The following CDH4 variants were observed in gnomAD, a reference collection of about 807,000 sequenced individuals.
CDH4 encodes the protein cadherin 4.
In CDH4, 33 loss-of-function variants were observed where a neutral mutation model predicts 86.0. The observed-to-expected ratio is 0.38, with a 90% CI of 0.29 to 0.51. The LOEUF is 0.51. Among genes scored for constraint, CDH4 ranks in the 20% least tolerant of loss-of-function variants. The probability of loss-of-function intolerance (pLI) is 0.86; values close to 1 mark genes in which losing one functional copy is unlikely to be tolerated. For synonymous variants in CDH4, 555 were observed against 549.4 expected, an observed-to-expected ratio of 1.01 and a Z score of -0.14; for missense variants, 1,114 against 1,307.4, an observed-to-expected ratio of 0.85 and a Z score of 2.28.
chr20:61,757,984 A>G (rs1040417486), intron 3 of CDH4, among the ~76,000 whole-genome samples: 1 of 152,136 alleles, frequency 6.6e-6, no homozygotes. Context: ...GCTGTGTAGC[A>G]GCTCTCTCTA....
intron 4 of CDH4, among the ~76,000 whole-genome samples, chr20:61,805,199 T>TGACCCAGCCCCC (rs1390879373): frequency 1.3e-5 from 2 of 152,314 alleles, no homozygotes; most frequent in Non-Finnish European, 2.9e-5. Context: ...GGCCAGTCCT[T>TGACCCAGCCCCC]GACCCAGCCC....
At chr20:61,720,408 G>C (rs1276098216) in intron 2 of CDH4, among the ~76,000 whole-genome samples, 1 of 149,992 alleles carries the variant, frequency 6.7e-6, no homozygotes, top group East Asian at 2.0e-4. Context: ...GGGGTGCGAA[G>C]TGTAAGTGTG....
intron 4 of CDH4, among the ~76,000 whole-genome samples, chr20:61,777,508 C>T (rs538333677): frequency 2.9e-4 from 44 of 152,344 alleles, no homozygotes; most frequent in Middle Eastern, 6.8e-3. Flanking sequence ...CTTTAGTGAA[C>T]GGAAAATGGA....
rs2145578268 is a variant in CDH4 at position 61,480,555 on chromosome 20, T to C, written c.169+225618T>C. Among the ~76,000 whole-genome samples the C allele has an allele frequency of 6.6e-6, 1 of 152,280 alleles. No homozygotes were observed. The highest frequency in any genetic ancestry group is 1.5e-5 in the Non-Finnish European group (1 of 68,006). On this transcript the variant is annotated intron_variant, in intron 2 of 15. Transcript: ENST00000614565. The surrounding 1 kb of genome is among the most constrained non-coding windows in gnomAD (Gnocchi z 5.2). ...CCCCTCCCTTCCCAGTGGCAGCGAA[T>C]CCCCGTCCTGACCGGGGCCTGGTGG...
intron 2 of CDH4, among the ~76,000 whole-genome samples, chr20:61,632,070 C>T (rs1013007892): frequency 2.2e-4 from 34 of 152,382 alleles, no homozygotes; most frequent in African/African-American, 7.7e-4. Context: ...ATCCGGGATG[C>T]GCTGGCACAC....
At position 61,277,377 on chromosome 20, in the gene CDH4, G is replaced by A. The variant is rs79463784; in HGVS notation, c.169+22440G>A. Among the ~76,000 whole-genome samples the A allele has an allele frequency of 3.2e-4, 49 of 152,274 alleles. No individual in the cohort carries two copies. In the East Asian group the frequency reaches 6.6e-3, roughly 20 times the overall value. On this transcript the variant is annotated intron_variant, in intron 2 of 15. Coordinates refer to ENST00000614565, the MANE Select transcript of CDH4 (RefSeq NM_001794.5). Reference sequence around the variant, plus strand: ...GGCCTTGTTGTGACTTTGTGTGTGCGTGTGTATGCATGTGTTAGATAGCAG... The same window carrying A: ...GGCCTTGTTGTGACTTTGTGTGTGCATGTGTATGCATGTGTTAGATAGCAG...
intron 2 of CDH4, among the ~76,000 whole-genome samples, chr20:61,650,187 A>C (rs1344282129): frequency 6.6e-6 from 1 of 152,190 alleles, no homozygotes; most frequent in East Asian, 1.9e-4. Context: ...CTCCAAATCC[A>C]TCAGCGGCTC....
chr20:61,772,502 A>G (rs1006805870), intron 3 of CDH4, among the ~76,000 whole-genome samples: 1 of 152,248 alleles, frequency 6.6e-6, no homozygotes, highest in Non-Finnish European at 1.5e-5. Flanking sequence ...GTTTGGAAAC[A>G]ACATTCCATT....
chr20:61,847,917 C>T (rs1340630088), intron 5 of CDH4, among the ~76,000 whole-genome samples: 1 of 152,228 alleles, frequency 6.6e-6, no homozygotes, highest in African/African-American at 2.4e-5. Context: ...CCCCATGATC[C>T]AAACACCTCC....
At chr20:61,433,576 A>G (rs1243756723) in intron 2 of CDH4, among the ~76,000 whole-genome samples, 2 of 151,906 alleles carry the variant, frequency 1.3e-5, no homozygotes, top group East Asian at 1.9e-4. Context: ...ACTGAAGTTG[A>G]CTCTGAAATG....
intron 2 of CDH4, among the ~76,000 whole-genome samples, chr20:61,257,600 G>A (rs2084105725): frequency 6.6e-6 from 1 of 152,218 alleles, no homozygotes; most frequent in Non-Finnish European, 1.5e-5. Flanking sequence ...TTTGTTTTTA[G>A]GATAATTCAC....
At chr20:61,563,406 G>A (rs946026853) in intron 2 of CDH4, among the ~76,000 whole-genome samples, 1 of 152,220 alleles carries the variant, frequency 6.6e-6, no homozygotes, top group African/African-American at 2.4e-5. Context: ...CAGCCCCAAT[G>A]TCTCCCTCCT....
intron 4 of CDH4, among the ~76,000 whole-genome samples, chr20:61,801,505 G>A (rs1459421307): frequency 6.6e-6 from 1 of 152,204 alleles, no homozygotes; most frequent in African/African-American, 2.4e-5. Context: ...GGGAGCTGCT[G>A]TCACAAATCA....
chr20:61,754,271 C>T lies in CDH4; in HGVS notation c.396+10482C>T, dbSNP rs1218590201. ...CAGAGCCTTTCAGCCGAGGTGGAGA[C>T]TCAGATGGCAGAGTGCAGACAGACC... On this transcript the variant is annotated intron_variant, in intron 3 of 15. Coordinates refer to ENST00000614565, the MANE Select transcript of CDH4 (RefSeq NM_001794.5). The surrounding 1 kb of genome is among the most constrained non-coding windows in gnomAD (Gnocchi z 4.7). Among the ~76,000 whole-genome samples, 2 of 152,160 alleles carry T rather than the reference C, an allele frequency of 1.3e-5. No individual in the cohort carries two copies. The highest frequency in any genetic ancestry group is 4.8e-5 in the African/African-American group (2 of 41,432).
chr20:61,470,414 T>G (rs575663750), intron 2 of CDH4, among the ~76,000 whole-genome samples: 3 of 143,538 alleles, frequency 2.1e-5, no homozygotes, highest in African/African-American at 7.4e-5. Flanking sequence ...CTGAATTTAT[T>G]TATCTGTTGT....
intron 2 of CDH4, among the ~76,000 whole-genome samples, chr20:61,264,124 G>A (rs1021301749): frequency 2.0e-5 from 3 of 152,158 alleles, no homozygotes; most frequent in East Asian, 1.9e-4. Context: ...CTGGGGAGTC[G>A]TGATTCTGCT....
At position 61,686,774 on chromosome 20, in the gene CDH4, C is replaced by CGT. The variant is rs767253419; in HGVS notation, c.170-56779_170-56778dup. Among the ~76,000 whole-genome samples the CGT allele has an allele frequency of 2.0e-5, 3 of 150,606 alleles. No homozygotes were observed. The South Asian group carries it at 6.4e-4, about 32-fold the overall frequency. On this transcript the variant is annotated intron_variant, in intron 2 of 15. Transcript: ENST00000614565. ...GTGTATATGTGCGTGTGCATTCGCG[C>CGT]GTGTGTGTGTGCATGTGTGCATGTC... is the stretch of plus-strand genomic sequence containing the variant.
intron 2 of CDH4, among the ~76,000 whole-genome samples, chr20:61,500,837 G>A (rs1190258332): frequency 6.6e-6 from 1 of 152,246 alleles, no homozygotes; most frequent in African/African-American, 2.4e-5. Context: ...CCTTGAGGTT[G>A]AACTGGCACT....
chr20:61,565,151 AGTGGTCCTCTTGGTGATGGGGTGGTGG>A (rs2086262160), intron 2 of CDH4, among the ~76,000 whole-genome samples: 1 of 67,514 alleles, frequency 1.5e-5, no homozygotes, highest in Non-Finnish European at 2.9e-5. Flanking sequence ...TGGTGTTGGT[AGTGGTCCTCTTGGTGATGGGGTGGTGG>A]TGGTGGTGGT....
Sources: allele counts gnomAD v4.1 joint callset (sites outside exome capture counted in the v4.1 genomes callset), GRCh38; gene constraint gnomAD v4.1.1; non-coding constraint Gnocchi (gnomAD v3.1); transcripts MANE v1.5; gene names NCBI Gene and HGNC (gene_info 2026-07-23, HGNC 2026-07-21).